The following RBM46 variants were observed in gnomAD, a reference collection of about 807,000 sequenced individuals.
The protein encoded by RBM46 is probable RNA-binding protein 46.
RBM46 carries 12 observed loss-of-function variants against 43.3 expected under a neutral mutation model. The observed-to-expected ratio is 0.28, with a 90% CI of 0.18 to 0.45. The LOEUF (loss-of-function observed/expected upper bound fraction) is 0.45. Ranked by LOEUF, RBM46 falls within the 20% of genes least tolerant of loss-of-function variation. The pLI is 1.00. For missense variants in RBM46, 412 were observed against 639.1 expected (o/e 0.64, Z 3.83); for synonymous variants, 205 against 207.6 (o/e 0.99, Z 0.11).
chr4:154,821,073 T>C (rs1484112050), intron 4 of RBM46, among the ~76,000 whole-genome samples: 1 of 151,750 alleles, frequency 6.6e-6, no homozygotes, highest in Non-Finnish European at 1.5e-5. Flanking sequence ...ATAAGTCTGT[T>C]ATGTGGATTC....
chr4:154,813,250 A>G (rs540067466), intron 4 of RBM46, among the ~76,000 whole-genome samples: 2 of 152,312 alleles, frequency 1.3e-5, no homozygotes, highest in East Asian at 3.9e-4. Context: ...GCATGGTTAA[A>G]TTATGAATGG....
intron 4 of RBM46, among the ~76,000 whole-genome samples, chr4:154,805,049 T>C (rs1021950753): frequency 2.6e-5 from 4 of 152,124 alleles, no homozygotes; most frequent in African/African-American, 9.7e-5. Flanking sequence ...GCAGAGTTTG[T>C]GTCAGAGAGG....
Position 154,828,406 on chromosome 4 carries a change from AT to A in RBM46, c.*342del. ...TTTTTGCATAATTTTACTAAATAGT[AT>A]TTCACAAATATTAAAGCACTTGAAG... is the stretch of plus-strand genomic sequence containing the variant. On this transcript the variant is annotated 3_prime_UTR_variant, in exon 5 of 5. Coordinates refer to ENST00000281722, the MANE Select transcript of RBM46 (RefSeq NM_144979.5). 1 of 243,042 alleles carries A rather than the reference AT, an allele frequency of 4.1e-6. No homozygotes were observed. 15.1% of individuals were successfully genotyped at this position (243,042 alleles called of 1,614,324 possible). A position where few individuals can be genotyped will look rare whatever the true frequency, so the allele number is the denominator to read the frequency against.
At chr4:154,827,366 G>A in intron 4 of RBM46, 2 of 981,610 alleles carry the variant, frequency 2.0e-6, no homozygotes, top group Non-Finnish European at 2.4e-6. Flanking sequence ...GTTTATATTA[G>A]TATTTAAATA....
chr4:154,821,246 A>G (rs1311577496), intron 4 of RBM46, among the ~76,000 whole-genome samples: 2 of 151,822 alleles, frequency 1.3e-5, no homozygotes, highest in African/African-American at 4.8e-5. Context: ...AATAAGTGAT[A>G]CCAGTCTTAG....
At chr4:154,818,641 C>T (rs758230883) in intron 4 of RBM46, among the ~76,000 whole-genome samples, 17 of 152,092 alleles carry the variant, frequency 1.1e-4, no homozygotes, top group Non-Finnish European at 1.9e-4. Flanking sequence ...TTAGTAAGTT[C>T]TGCGTTATTG....
At chr4:154,826,655 T>C in intron 4 of RBM46, 2 of 657,164 alleles carry the variant, frequency 3.0e-6, no homozygotes, top group South Asian at 4.1e-5. Flanking sequence ...TATGGTACCA[T>C]TCATAAAAAG....
intron 1 of RBM46, among the ~76,000 whole-genome samples, chr4:154,783,579 T>C (rs1204542093): frequency 6.6e-6 from 1 of 152,194 alleles, no homozygotes; most frequent in African/African-American, 2.4e-5. Context: ...AATAACAGAT[T>C]ATGAAGGACC....
chr4:154,799,707 A>ACTTT, intron 4 of RBM46, 143 bp downstream of exon 4: 1 of 575,598 alleles, frequency 1.7e-6, no homozygotes, highest in East Asian at 3.3e-5. Context: ...AGTCATGATA[A>ACTTT]CTTTCTTGAA....
intron 4 of RBM46, among the ~76,000 whole-genome samples, chr4:154,814,836 TC>T (rs869131621): frequency 3.3e-5 from 5 of 149,960 alleles, no homozygotes; most frequent in African/African-American, 1.0e-4. Context: ...TTTTATCCCC[TC>T]CCCCCCTTTT....
intron 4 of RBM46, among the ~76,000 whole-genome samples, chr4:154,801,540 A>G (rs758858160): frequency 5.3e-5 from 8 of 152,190 alleles, no homozygotes; most frequent in Non-Finnish European, 1.0e-4. Context: ...GGGTCTAAAT[A>G]TTATTTTGGA....
intron 1 of RBM46, among the ~76,000 whole-genome samples, chr4:154,795,487 A>T (rs145547407): frequency 7.9e-5 from 12 of 152,200 alleles, no homozygotes; most frequent in African/African-American, 2.9e-4. Context: ...AAATCTATTA[A>T]TGTATTTTTT....
chr4:154,784,004 T>C lies in RBM46; in HGVS notation c.-12+2568T>C, dbSNP rs550820308. Among the ~76,000 whole-genome samples the C allele has an allele frequency of 2.0e-5, 3 of 152,226 alleles. No homozygotes were observed. In the South Asian group the frequency reaches 6.2e-4, roughly 32 times the overall value. ...CTTAAAAACAAACAGAAAACCTCCATTGACCTGGCAACCATTGACCTGGCA... is the reference window on the plus strand; with the variant it reads ...CTTAAAAACAAACAGAAAACCTCCACTGACCTGGCAACCATTGACCTGGCA... On this transcript the variant is annotated intron_variant, in intron 1 of 4. Transcript: ENST00000281722.
At chr4:154,802,537 A>G (rs1342300807) in intron 4 of RBM46, among the ~76,000 whole-genome samples, 2 of 152,196 alleles carry the variant, frequency 1.3e-5, no homozygotes, top group East Asian at 1.9e-4. Flanking sequence ...GGTTTCATCA[A>G]ATAGCTCAGA....
rs1270419518 is a variant in RBM46, at chr4:154,799,261, A to C, written c.1099A>C (p.Arg367=). The C allele has an allele frequency of 1.9e-6, 3 of 1,614,232 alleles. No individual in the cohort carries two copies. Among genetic ancestry groups the C allele is most frequent in the Non-Finnish European group, 2.5e-6 (3 of 1,180,030 alleles). The change falls in exon 4 of 5, where the codon AGA becomes CGA. Residue 367 remains arginine (R), a synonymous_variant. Coordinates refer to ENST00000281722, the MANE Select transcript of RBM46 (RefSeq NM_144979.5). ...QHSPSPPEVE[R]CTYPFYPGTK... Reference sequence around the variant, plus strand: ...TAGCCCAAGTCCGCCTGAAGTTGAAAGATGCACTTACCCTTTTTATCCTGG... The same window carrying C: ...TAGCCCAAGTCCGCCTGAAGTTGAACGATGCACTTACCCTTTTTATCCTGG...
At chr4:154,783,289 T>C (rs1311074584) in intron 1 of RBM46, among the ~76,000 whole-genome samples, 1 of 152,188 alleles carries the variant, frequency 6.6e-6, no homozygotes, top group Non-Finnish European at 1.5e-5. Flanking sequence ...ACTTAAAATA[T>C]ATGCATTACT....
intron 1 of RBM46, among the ~76,000 whole-genome samples, chr4:154,785,188 A>G (rs1021191554): frequency 3.3e-5 from 5 of 151,986 alleles, no homozygotes; most frequent in African/African-American, 1.2e-4. Context: ...AGATTTCTTG[A>G]GATGTACAAA....
At chr4:154,817,292 T>TGGTTAGAG (rs1196277225) in intron 4 of RBM46, among the ~76,000 whole-genome samples, 1 of 151,778 alleles carries the variant, frequency 6.6e-6, no homozygotes, top group African/African-American at 2.4e-5. Flanking sequence ...CTCCTAAGTA[T>TGGTTAGAG]GGTTAGAGCT....
intron 4 of RBM46, among the ~76,000 whole-genome samples, chr4:154,814,583 A>G (rs1735335381): frequency 6.6e-6 from 1 of 152,052 alleles, no homozygotes; most frequent in African/African-American, 2.4e-5. Context: ...GATTTCATTC[A>G]AACCAAAGAT....
Sources: allele counts gnomAD v4.1 joint callset (sites outside exome capture counted in the v4.1 genomes callset), GRCh38; gene constraint gnomAD v4.1.1; transcripts MANE v1.5; gene names NCBI Gene and HGNC (gene_info 2026-07-23, HGNC 2026-07-21).